Variants in ZIM3 observed in about 807,000 individuals in gnomAD.
ZIM3 encodes zinc finger protein 657.
Under a neutral mutation model 12.9 loss-of-function variants are expected in ZIM3, and 11 were observed. That is an observed-to-expected ratio of 0.85 (90% CI 0.54 to 1.41). The LOEUF (loss-of-function observed/expected upper bound fraction) is 1.41, where lower values mean the gene tolerates loss of function less well. ZIM3 is among the 40% of genes most tolerant of loss of function. The probability of loss-of-function intolerance (pLI) is 0.00; values close to 1 mark genes in which losing one functional copy is unlikely to be tolerated. For missense variants in ZIM3, 604 were observed against 557.2 expected (o/e 1.08, Z -0.85); for synonymous variants, 205 against 198.5 (o/e 1.03, Z -0.28).
At chr19:57,143,197 G>A (rs1332443461) in intron 1 of ZIM3, among the ~76,000 whole-genome samples, 1 of 152,060 alleles carries the variant, frequency 6.6e-6, no homozygotes, top group African/African-American at 2.4e-5. Context: ...CAGGCGTGGT[G>A]GCGGGCGCCT....
Position 57,137,499 on chromosome 19 carries a change from G to A in ZIM3, c.143-528C>T, listed in dbSNP as rs1370255167. ...AGGCTGAGGCGGGCCGGTTATCTGA[G>A]GTCAGGAGTTCAAGACTAGCCTCAC... On this transcript the variant is annotated intron_variant, in intron 3 of 4. Transcript: ENST00000269834. Among the ~76,000 whole-genome samples the A allele has an allele frequency of 2.6e-5, 4 of 151,760 alleles. No homozygotes were observed. The South Asian group carries it at 8.3e-4, about 32-fold the overall frequency.
Position 57,135,675 on chromosome 19 carries a change from C to T in ZIM3, c.662G>A (p.Arg221Lys). 6.2e-7 allele frequency: 1 copy of T among 1,613,128 alleles called. No individual in the cohort carries two copies. The highest frequency in any genetic ancestry group is 8.5e-7 in the Non-Finnish European group (1 of 1,179,468). Reference sequence around the variant, plus strand: ...TCCACAGTTCTCACATTTATAGGGCCTTTCCTCTGCGTGAGTTTTCTGATG... The same window carrying T: ...TCCACAGTTCTCACATTTATAGGGCTTTTCCTCTGCGTGAGTTTTCTGATG... ...DKHQKTHAEE[R>K]PYKCENCGNA... is the part of the protein sequence containing the mutation. The change falls in exon 5 of 5, where the codon AGG (arginine) becomes AAG (lysine). Residue 221 changes from arginine (R) to lysine (K), a missense_variant. Arg to Lys is a conservative substitution (Grantham distance 26). Transcript: ENST00000269834.
Position 57,135,041 on chromosome 19 carries a change from T to G in ZIM3, c.1296A>C (p.Leu432Phe), listed in dbSNP as rs767948200. 6.2e-7 allele frequency: 1 copy of G among 1,614,182 alleles called. No individual in the cohort carries two copies. Reference sequence around the variant, plus strand: ...GGGTTTTTTTATGCAAACTAAGGTTTAATTTCCGGATGAAGGTTTTTCCAC... The same window carrying G: ...GGGTTTTTTTATGCAAACTAAGGTTGAATTTCCGGATGAAGGTTTTTCCAC... The part of the protein sequence containing the change: ...SECGKTFIRK[L>F]NLSLHKKTHT... Residue 432 changes from leucine to phenylalanine, a missense_variant, in exon 5 of 5, where the codon TTA becomes TTC. Leu to Phe is a conservative substitution (Grantham distance 22). Coordinates refer to ENST00000269834, the MANE Select transcript of ZIM3 (RefSeq NM_052882.1).
chr19:57,136,320 A>G (rs1465777285), intron 4 of ZIM3, among the ~76,000 whole-genome samples: 1 of 152,146 alleles, frequency 6.6e-6, no homozygotes, highest in East Asian at 1.9e-4. Flanking sequence ...CCTAGTGCAC[A>G]GGGAGCAGGT....
intron 1 of ZIM3, among the ~76,000 whole-genome samples, chr19:57,143,337 A>AT: frequency 7.0e-6 from 1 of 142,634 alleles, no homozygotes; most frequent in Non-Finnish European, 1.5e-5. Flanking sequence ...TCCCAAAAAA[A>AT]AAAAAAAAGA....
rs746518779 is a variant in ZIM3 at position 57,134,930 on chromosome 19, A to G, written c.1407T>C (p.Ile469=). The change falls in exon 5 of 5, where the codon ATT becomes ATC. Residue 469 remains isoleucine (I), a synonymous_variant. Transcript: ENST00000269834. ...GTGCATGGGGCTCCTATCTGGAGTG[A>G]ATTCTTTTCTGGTGCCTAACAAGGT... ...RSYLVRHQKR[I]HSR The G allele has an allele frequency of 2.0e-5, 33 of 1,610,728 alleles. No homozygotes were observed. Among genetic ancestry groups the G allele is most frequent in the Non-Finnish European group, 2.5e-5 (30 of 1,178,330 alleles).
chr19:57,136,166 A>G, intron 4 of ZIM3, 71 bp from the exon 5 acceptor site: 1 of 1,374,674 alleles, frequency 7.3e-7, no homozygotes, highest in Non-Finnish European at 1.0e-6. Context: ...AATGCCATAA[A>G]CAATCTATTG....
intron 2 of ZIM3, among the ~76,000 whole-genome samples, chr19:57,141,398 CAA>C (rs66633580): frequency 0.048 from 5,018 of 105,088 alleles, 91 homozygotes; most frequent in African/African-American, 0.11. Context: ...GAGACTGTCT[CAA>C]AAAAAAAAAA....
intron 2 of ZIM3, 71 bp downstream of exon 2, chr19:57,142,558 A>C (rs1452217096): frequency 2.4e-5 from 37 of 1,529,104 alleles, no homozygotes; most frequent in Non-Finnish European, 3.2e-5. Flanking sequence ...TAGCACAGTT[A>C]ATTCTGAGCA....
At position 57,134,849 on chromosome 19, in the gene ZIM3, A is replaced by T; in HGVS notation, c.*69T>A. On this transcript the variant is annotated 3_prime_UTR_variant, in exon 5 of 5. Transcript: ENST00000269834. ...AGCCTCCAAATTAGAGGCCATTTCA[A>T]CATGGAATTCTGGGGTGACAATTCC... 1 of 1,485,016 alleles carries T rather than the reference A, an allele frequency of 6.7e-7. No individual in the cohort carries two copies. The highest frequency in any genetic ancestry group is 9.1e-7 in the Non-Finnish European group (1 of 1,102,348). The allele number at this position is 1,485,016 out of a possible 1,614,324, so 92.0% of individuals were successfully genotyped here. A position where few individuals can be genotyped will look rare whatever the true frequency, so the allele number is the denominator to read the frequency against.
intron 3 of ZIM3, among the ~76,000 whole-genome samples, chr19:57,137,794 A>G (rs1023987235): frequency 6.0e-5 from 9 of 150,438 alleles, no homozygotes; most frequent in Non-Finnish European, 1.2e-4. Flanking sequence ...GTTAGGAGAA[A>G]GGAGATAAAG....
At chr19:57,143,810 G>A (rs2086925700) in intron 1 of ZIM3, among the ~76,000 whole-genome samples, 2 of 151,630 alleles carry the variant, frequency 1.3e-5, no homozygotes, top group South Asian at 4.2e-4. Context: ...CGTGTAGCTG[G>A]GATTACAGGC....
Position 57,135,670 on chromosome 19 carries a change from A to G in ZIM3, c.667T>C (p.Tyr223His), listed in dbSNP as rs1440375386. The G allele has an allele frequency of 3.7e-6, 6 of 1,613,210 alleles. No individual in the cohort carries two copies. Among genetic ancestry groups the G allele is most frequent in the Non-Finnish European group, 5.1e-6 (6 of 1,179,454 alleles). The change falls in exon 5 of 5, where the codon TAT becomes CAT. Residue 223 changes from tyrosine (Y) to histidine (H), a missense_variant. Physicochemically the swap from Tyr to His is moderately conservative, Grantham distance 83 (BLOSUM62 2). Coordinates refer to ENST00000269834, the MANE Select transcript of ZIM3 (RefSeq NM_052882.1). The part of the protein sequence containing the change: ...HQKTHAEERP[Y>H]KCENCGNAYK... ...GCATTTCCACAGTTCTCACATTTATAGGGCCTTTCCTCTGCGTGAGTTTTC... is the reference window on the plus strand; with the variant it reads ...GCATTTCCACAGTTCTCACATTTATGGGGCCTTTCCTCTGCGTGAGTTTTC...
intron 2 of ZIM3, among the ~76,000 whole-genome samples, chr19:57,141,992 G>A (rs1313408553): frequency 6.6e-6 from 1 of 152,076 alleles, no homozygotes; most frequent in Non-Finnish European, 1.5e-5. Context: ...AGTGAGTTAG[G>A]GAGATGGATT....
At chr19:57,142,349 C>G (rs2086917403) in intron 2 of ZIM3, among the ~76,000 whole-genome samples, 1 of 151,900 alleles carries the variant, frequency 6.6e-6, no homozygotes. Context: ...GCCATGTTGC[C>G]CAGGCTGGTT....
intron 3 of ZIM3, among the ~76,000 whole-genome samples, chr19:57,137,357 G>A (rs909700786): frequency 1.5e-4 from 23 of 152,106 alleles, no homozygotes; most frequent in Admixed American, 5.9e-4. Flanking sequence ...GTGTGGTGGT[G>A]CACGTCTGTG....
Position 57,134,957 on chromosome 19 carries a change from T to C in ZIM3, c.1380A>G (p.Ser460=). 2 of 1,614,104 alleles carry C rather than the reference T, an allele frequency of 1.2e-6. No homozygotes were observed. Among genetic ancestry groups the C allele is most frequent in the Non-Finnish European group, 1.7e-6 (2 of 1,180,002 alleles). ...SECGKAFADR[S]YLVRHQKRIH... ...TTCTTTTCTGGTGCCTAACAAGGTATGACCTGTCAGCGAAGGCTTTACCGC... is the reference window on the plus strand; with the variant it reads ...TTCTTTTCTGGTGCCTAACAAGGTACGACCTGTCAGCGAAGGCTTTACCGC... The change falls in exon 5 of 5, where the codon TCA becomes TCG. Residue 460 remains serine, a synonymous_variant. Transcript: ENST00000269834.
In ZIM3 at chr19:57,135,260, C is replaced by T. The variant is rs1462667966; in HGVS notation, c.1077G>A (p.Gly359=). Residue 359 remains glycine, a synonymous_variant, in exon 5 of 5, where the codon GGG becomes GGA. Coordinates refer to ENST00000269834, the MANE Select transcript of ZIM3 (RefSeq NM_052882.1). ...ATAGATCACACTCATAAGCTCTCTT[C>T]CCAGTGTGAATTTTCTCATGATCGA... The part of the protein sequence containing the change: ...NVIDHEKIHT[G]KRAYECDLCG... 2 of 1,614,072 alleles carry T rather than the reference C, an allele frequency of 1.2e-6. No homozygotes were observed. The highest frequency in any genetic ancestry group is 2.2e-5 in the East Asian group (1 of 44,862).
chr19:57,135,203 G>A lies in ZIM3; in HGVS notation c.1134C>T (p.Leu378=), dbSNP rs756142083. Reference sequence around the variant, plus strand: ...CAGTATGGATTTTTTTATGTTGAATGAGGTTTTTCTTCTGGATAAAGGTAT... The same window carrying A: ...CAGTATGGATTTTTTTATGTTGAATAAGGTTTTTCTTCTGGATAAAGGTAT... ...CGNTFIQKKN[L]IQHKKIHTGE... The change falls in exon 5 of 5, where the codon CTC becomes CTT. Residue 378 remains leucine, a synonymous_variant. Coordinates refer to ENST00000269834, the MANE Select transcript of ZIM3 (RefSeq NM_052882.1). The A allele has an allele frequency of 3.7e-6, 6 of 1,613,712 alleles. No individual in the cohort carries two copies. The highest frequency in any genetic ancestry group is 2.2e-5 in the South Asian group (2 of 91,058).
Sources: gnomAD v4.1 joint callset for allele counts (sites outside exome capture counted in the v4.1 genomes callset) on GRCh38, gnomAD v4.1.1 for gene constraint, MANE v1.5 for transcripts, NCBI Gene and HGNC (gene_info 2026-07-23, HGNC 2026-07-21) for gene names.